SNTG1: variants seen among roughly 807,000 people sequenced by gnomAD.
SNTG1 encodes gamma-1-syntrophin.
In SNTG1, 39 loss-of-function variants were observed where a neutral mutation model predicts 74.7. The ratio of observed to expected loss-of-function variants is 0.52; its 90% CI spans 0.40 to 0.68. SNTG1 has a LOEUF of 0.68. Ranked by LOEUF, SNTG1 falls within the 30% of genes least tolerant of loss-of-function variation. The pLI is 0.00. For synonymous variants in SNTG1, 254 were observed against 217.1 expected, an observed-to-expected ratio of 1.17 and a Z score of -1.49; for missense variants, 685 against 609.5, an observed-to-expected ratio of 1.12 and a Z score of -1.30.
At chr8:50,528,342 C>A (rs1320384795) in intron 9 of SNTG1, among the ~76,000 whole-genome samples, 1 of 151,796 alleles carries the variant, frequency 6.6e-6, no homozygotes, top group Non-Finnish European at 1.5e-5. Context: ...TTTTAATTTG[C>A]TTTTTGTAAA....
intron 2 of SNTG1, among the ~76,000 whole-genome samples, chr8:50,268,322 A>G (rs2087585467): frequency 6.6e-6 from 1 of 152,236 alleles, no homozygotes; most frequent in Non-Finnish European, 1.5e-5. Context: ...GATTCAGCAC[A>G]GTAAAGGTGC....
At chr8:50,136,690 C>T (rs2081485964) in intron 1 of SNTG1, among the ~76,000 whole-genome samples, 1 of 152,080 alleles carries the variant, frequency 6.6e-6, no homozygotes, top group Non-Finnish European at 1.5e-5. Flanking sequence ...CAATTTAATA[C>T]CTGGTGAATG....
At position 50,395,506 on chromosome 8, in the gene SNTG1, G is replaced by GGTTTTTTTTTTTTTTTTTT. The variant is rs58030144; in HGVS notation, c.27+1241_27+1242insGTTTTTTTTTTTTTTTTTT. On this transcript the variant is annotated intron_variant, in intron 3 of 18. Coordinates refer to ENST00000642720, the MANE Select transcript of SNTG1 (RefSeq NM_018967.5). ...TTTAAATTTTAATTGTCTAATTTCT[G>GGTTTTTTTTTTTTTTTTTT]TTTTTTTTTTTTTTTTTAATGGAGT... Among the ~76,000 whole-genome samples, 2 of 135,656 alleles carry GGTTTTTTTTTTTTTTTTTT rather than the reference G, an allele frequency of 1.5e-5. 1 individual carries two copies. 89.0% of individuals were successfully genotyped at this position (135,656 alleles called of 152,430 possible).
intron 15 of SNTG1, among the ~76,000 whole-genome samples, chr8:50,691,888 A>G (rs952803319): frequency 1.3e-5 from 2 of 152,150 alleles, no homozygotes; most frequent in African/African-American, 2.4e-5. Context: ...AGGAACACCA[A>G]TCAGATGTAG....
intron 16 of SNTG1, chr8:50,707,811 T>C (rs2095448535): frequency 2.9e-6 from 1 of 348,844 alleles, no homozygotes; most frequent in Non-Finnish European, 5.1e-6. Context: ...AACTGGCTTA[T>C]AGATGTAACA....
rs762508430 is a variant in SNTG1 at position 50,394,277 on chromosome 8, G to C, written c.27+12G>C. On this transcript the variant is annotated intron_variant, in intron 3 of 18. Coordinates refer to ENST00000642720, the MANE Select transcript of SNTG1 (RefSeq NM_018967.5). ...CCGCCTGTGAGGAGGTGAGTACAGA[G>C]CTTTCTGCTTTTCAAACAGGGAAAA... 1.4e-5 allele frequency: 23 copies of C among 1,610,744 alleles called. No homozygotes were observed. Among genetic ancestry groups the C allele is most frequent in the Middle Eastern group, 1.6e-4 (1 of 6,064 alleles).
intron 1 of SNTG1, among the ~76,000 whole-genome samples, chr8:50,050,120 A>G (rs1329691860): frequency 6.6e-6 from 1 of 151,992 alleles, no homozygotes; most frequent in African/African-American, 2.4e-5. Context: ...AAATCAATAA[A>G]ATTAAATACA....
chr8:50,031,285 A>G (rs1302910472), intron 1 of SNTG1, among the ~76,000 whole-genome samples: 1 of 152,008 alleles, frequency 6.6e-6, no homozygotes, highest in East Asian at 1.9e-4. Flanking sequence ...TCATCTACAA[A>G]TAAGTTCTAT....
intron 1 of SNTG1, among the ~76,000 whole-genome samples, chr8:50,152,243 TG>T (rs2082093658): frequency 2.0e-5 from 3 of 152,326 alleles, no homozygotes; most frequent in African/African-American, 7.2e-5. Flanking sequence ...TGCCATTTTT[TG>T]TTTTCCATTT....
intron 2 of SNTG1, among the ~76,000 whole-genome samples, chr8:50,287,135 T>A (rs1363104007): frequency 6.6e-6 from 1 of 152,142 alleles, no homozygotes; most frequent in Non-Finnish European, 1.5e-5. Context: ...TAGAGAACCA[T>A]CCTTATCCTG....
chr8:50,226,663 G>GCCC (rs571827033), intron 2 of SNTG1, among the ~76,000 whole-genome samples: 1 of 151,732 alleles, frequency 6.6e-6, no homozygotes, highest in African/African-American at 2.4e-5. Flanking sequence ...TAATCTGGAA[G>GCCC]CCCCCCCACC....
intron 17 of SNTG1, among the ~76,000 whole-genome samples, chr8:50,729,664 C>G (rs141667792): frequency 2.0e-4 from 31 of 152,170 alleles, no homozygotes; most frequent in African/African-American, 7.5e-4. Flanking sequence ...GAGTAGTATT[C>G]ACGGCAGAGA....
At chr8:50,019,003 C>A (rs1322491771) in intron 1 of SNTG1, among the ~76,000 whole-genome samples, 1 of 151,842 alleles carries the variant, frequency 6.6e-6, no homozygotes, top group Admixed American at 6.6e-5. Context: ...AAAATAATAT[C>A]CTAGCAAAAA....
chr8:50,350,425 G>A (rs1392229945), intron 2 of SNTG1, among the ~76,000 whole-genome samples: 2 of 152,180 alleles, frequency 1.3e-5, no homozygotes, highest in Admixed American at 1.3e-4. Flanking sequence ...TCTAGCTAAG[G>A]GATTGTAAAT....
At chr8:50,253,689 A>G (rs994217466) in intron 2 of SNTG1, among the ~76,000 whole-genome samples, 2 of 151,996 alleles carry the variant, frequency 1.3e-5, no homozygotes, top group African/African-American at 4.8e-5. Context: ...ACACACACAT[A>G]TATAAATACA....
intron 3 of SNTG1, among the ~76,000 whole-genome samples, chr8:50,400,700 G>C (rs1311717459): frequency 1.3e-5 from 2 of 152,138 alleles, no homozygotes; most frequent in Non-Finnish European, 2.9e-5. Flanking sequence ...ATTCTAACTT[G>C]GGTGAGGTGG....
chr8:50,657,904 T>C (rs949826568), intron 14 of SNTG1, among the ~76,000 whole-genome samples: 9 of 152,132 alleles, frequency 5.9e-5, no homozygotes, highest in African/African-American at 1.9e-4. Context: ...TTATTGAATA[T>C]AAATACCAAA....
At chr8:50,613,034 A>T (rs1314015094) in intron 13 of SNTG1, among the ~76,000 whole-genome samples, 2 of 152,180 alleles carry the variant, frequency 1.3e-5, no homozygotes, top group East Asian at 3.8e-4. Flanking sequence ...TAGACATATA[A>T]GACAAAAAGT....
At chr8:50,465,904 T>C (rs1374855425) in intron 8 of SNTG1, among the ~76,000 whole-genome samples, 5 of 152,158 alleles carry the variant, frequency 3.3e-5, no homozygotes, top group African/African-American at 9.6e-5. Flanking sequence ...TGCTATAACA[T>C]TTCCATGCAG....
Sources: gnomAD v4.1 joint callset for allele counts (sites outside exome capture counted in the v4.1 genomes callset) on GRCh38, gnomAD v4.1.1 for gene constraint, MANE v1.5 for transcripts, NCBI Gene and HGNC (gene_info 2026-07-23, HGNC 2026-07-21) for gene names.